Variants in METTL8 observed in about 807,000 individuals in gnomAD.
METTL8 encodes the protein tRNA N(3)-cytidine methyltransferase METTL8, mitochondrial.
A neutral mutation model predicts 48.7 loss-of-function variants in METTL8; 32 were observed. The observed-to-expected ratio is 0.66, with a 90% CI of 0.50 to 0.88. The LOEUF is 0.88. METTL8 is among the 40% of genes least tolerant of loss of function. The pLI, the probability that METTL8 is intolerant of heterozygous loss-of-function variation, is 0.00. For synonymous variants in METTL8, 136 were observed against 157.1 expected, an observed-to-expected ratio of 0.87 and a Z score of 1.01; for missense variants, 464 against 474.4, an observed-to-expected ratio of 0.98 and a Z score of 0.20.
chr2:171,335,931 A>T (rs573751767), intron 5 of METTL8, among the ~76,000 whole-genome samples: 41 of 152,050 alleles, frequency 2.7e-4, no homozygotes, highest in Admixed American at 2.6e-3. Context: ...ATGTGAACTT[A>T]AAAAAAATGT....
chr2:171,331,425 T>C (rs1244348539), intron 6 of METTL8, among the ~76,000 whole-genome samples: 1 of 141,732 alleles, frequency 7.1e-6, no homozygotes, highest in Non-Finnish European at 1.6e-5. Flanking sequence ...GCCTTTCATC[T>C]TTTTTTTTTT....
intron 1 of METTL8, among the ~76,000 whole-genome samples, chr2:171,397,352 TAAAAAA>T (rs71013039): frequency 6.0e-4 from 7 of 11,692 alleles, no homozygotes; most frequent in Non-Finnish European, 1.1e-3. Context: ...ACCCTGTCTC[TAAAAAA>T]AAAAAAAAAA....
chr2:171,404,060 T>TATATAC (rs1689916071), intron 1 of METTL8, among the ~76,000 whole-genome samples: 1 of 44,640 alleles, frequency 2.2e-5, no homozygotes, highest in Non-Finnish European at 4.8e-5. Context: ...CTCATATATA[T>TATATAC]ATATATATAT....
Position 171,320,415 on chromosome 2 carries a change from T to C in METTL8, c.*3757A>G, listed in dbSNP as rs1684470525. 1 of 152,218 alleles carries C rather than the reference T, an allele frequency of 6.6e-6. No homozygotes were observed. The highest frequency in any genetic ancestry group is 2.4e-5 in the African/African-American group (1 of 41,456). 9.4% of individuals were successfully genotyped at this position (152,218 alleles called of 1,614,324 possible). On this transcript the variant is annotated 3_prime_UTR_variant, in exon 10 of 10. Transcript: ENST00000375258. ...TTATAGAAAGACACGAAGCCGAATT[T>C]TACTGTGCCAGTCAAGAGGCTGGCT...
chr2:171,350,615 C>T (rs1683804675), intron 3 of METTL8, among the ~76,000 whole-genome samples: 1 of 152,190 alleles, frequency 6.6e-6, no homozygotes, highest in Non-Finnish European at 1.5e-5. Flanking sequence ...CACATCCTCT[C>T]CAGCACCTGC....
At chr2:171,351,692 T>G (rs1426815361) in intron 3 of METTL8, among the ~76,000 whole-genome samples, 1 of 152,216 alleles carries the variant, frequency 6.6e-6, no homozygotes, top group Non-Finnish European at 1.5e-5. Context: ...CCTTGTAATT[T>G]GGATTCCTAG....
intron 1 of METTL8, among the ~76,000 whole-genome samples, chr2:171,405,750 A>G (rs1690113892): frequency 1.3e-5 from 2 of 152,176 alleles, no homozygotes; most frequent in Non-Finnish European, 2.9e-5. Flanking sequence ...AAGGGGAAAT[A>G]AGTACACAGA....
intron 5 of METTL8, among the ~76,000 whole-genome samples, chr2:171,336,762 C>G (rs1686156406): frequency 6.6e-6 from 1 of 151,200 alleles, no homozygotes; most frequent in Non-Finnish European, 1.5e-5. Flanking sequence ...GCTTTACATT[C>G]AATTGTCTAT....
intron 2 of METTL8, among the ~76,000 whole-genome samples, chr2:171,366,674 A>G (rs1685748344): frequency 6.6e-6 from 1 of 152,160 alleles, no homozygotes; most frequent in Non-Finnish European, 1.5e-5. Context: ...AAAAAATGAA[A>G]ACTTCTTTTT....
intron 2 of METTL8, among the ~76,000 whole-genome samples, chr2:171,379,501 T>C (rs1463684548): frequency 6.7e-6 from 1 of 150,058 alleles, no homozygotes; most frequent in East Asian, 1.9e-4. Flanking sequence ...ATTGATAAAA[T>C]AGATAGACTG....
intron 1 of METTL8, among the ~76,000 whole-genome samples, chr2:171,423,914 C>A (rs1305383218): frequency 6.6e-6 from 1 of 152,162 alleles, no homozygotes; most frequent in East Asian, 1.9e-4. Flanking sequence ...TTGAGGCAGC[C>A]CCTCCCATCA....
At chr2:171,422,094 A>C (rs971693271) in intron 1 of METTL8, among the ~76,000 whole-genome samples, 1 of 152,202 alleles carries the variant, frequency 6.6e-6, no homozygotes, top group African/African-American at 2.4e-5. Context: ...CCTTATGATA[A>C]AACTGCAGTG....
chr2:171,370,707 C>T (rs985040819), intron 2 of METTL8, among the ~76,000 whole-genome samples: 2 of 152,120 alleles, frequency 1.3e-5, no homozygotes, highest in Admixed American at 1.3e-4. Context: ...AGGAGAATGG[C>T]GTGAACCCGG....
At chr2:171,333,187 C>T (rs1461755477) in intron 5 of METTL8, among the ~76,000 whole-genome samples, 1 of 151,934 alleles carries the variant, frequency 6.6e-6, no homozygotes, top group East Asian at 1.9e-4. Flanking sequence ...CAGTCTCCGC[C>T]TCCTGGGTTC....
intron 1 of METTL8, among the ~76,000 whole-genome samples, chr2:171,412,156 A>G (rs1237286022): frequency 6.6e-6 from 1 of 152,228 alleles, no homozygotes; most frequent in African/African-American, 2.4e-5. Flanking sequence ...AGTTCCAGGT[A>G]AGGTTTCATC....
intron 2 of METTL8, among the ~76,000 whole-genome samples, chr2:171,367,676 T>C (rs1028012661): frequency 6.6e-6 from 1 of 152,194 alleles, no homozygotes; most frequent in African/African-American, 2.4e-5. Context: ...CAACTAACTA[T>C]ATATAGCAAA....
chr2:171,425,838 C>A (rs1692355832), intron 1 of METTL8, among the ~76,000 whole-genome samples: 2 of 152,170 alleles, frequency 1.3e-5, no homozygotes, highest in South Asian at 4.1e-4. Context: ...ATAAGAATGT[C>A]TATAACAGCA....
intron 5 of METTL8, chr2:171,332,096 G>A (rs1222570312): frequency 2.5e-6 from 1 of 403,912 alleles, no homozygotes; most frequent in African/African-American, 2.0e-5. Flanking sequence ...ATGTTGCCCA[G>A]GCTGGTCTTG....
At chr2:171,430,577 G>A (rs183468381) in intron 1 of METTL8, among the ~76,000 whole-genome samples, 7 of 152,162 alleles carry the variant, frequency 4.6e-5, no homozygotes, top group Admixed American at 6.5e-5. Flanking sequence ...ATGGGTGTTC[G>A]GAGCTGCTGA....
Sources: gnomAD v4.1 joint callset for allele counts (sites outside exome capture counted in the v4.1 genomes callset) on GRCh38, gnomAD v4.1.1 for gene constraint, MANE v1.5 for transcripts, NCBI Gene and HGNC (gene_info 2026-07-23, HGNC 2026-07-21) for gene names.